KCNJ6: variants seen among roughly 807,000 people sequenced by gnomAD.
KCNJ6 encodes G protein-activated inward rectifier potassium channel 2.
In KCNJ6, 9 loss-of-function variants were observed where a neutral mutation model predicts 34.2. The observed-to-expected ratio is 0.26, with a 90% CI of 0.16 to 0.46. The LOEUF (loss-of-function observed/expected upper bound fraction) is 0.46. Ranked by LOEUF, KCNJ6 falls within the 20% of genes least tolerant of loss-of-function variation. KCNJ6 has a pLI of 1.00. For synonymous variants in KCNJ6, 196 were observed against 207.1 expected, an observed-to-expected ratio of 0.95 and a Z score of 0.46; for missense variants, 236 against 531.3, an observed-to-expected ratio of 0.44 and a Z score of 5.46.
At chr21:37,704,410 G>T (rs2054708147) in intron 3 of KCNJ6, among the ~76,000 whole-genome samples, 1 of 151,970 alleles carries the variant, frequency 6.6e-6, no homozygotes, top group Admixed American at 6.6e-5. Flanking sequence ...CTTAATTTTG[G>T]GCCAATGCGA....
intron 2 of KCNJ6, among the ~76,000 whole-genome samples, chr21:37,823,045 G>A (rs1203111956): frequency 6.6e-6 from 1 of 152,158 alleles, no homozygotes. Context: ...AGGACATGTT[G>A]AAGAGGGAGG....
intron 3 of KCNJ6, among the ~76,000 whole-genome samples, chr21:37,687,227 C>T (rs764178068): frequency 4.6e-5 from 7 of 152,012 alleles, no homozygotes; most frequent in Non-Finnish European, 7.4e-5. Flanking sequence ...CTAAGGGTAG[C>T]GTCCCAGCCG....
chr21:37,752,283 C>T (rs1374965704), intron 2 of KCNJ6, among the ~76,000 whole-genome samples: 1 of 152,172 alleles, frequency 6.6e-6, no homozygotes, highest in Non-Finnish European at 1.5e-5. Flanking sequence ...CTACACTGAT[C>T]ACAGCTGGTT....
intron 1 of KCNJ6, among the ~76,000 whole-genome samples, chr21:37,868,230 A>G (rs1038939915): frequency 6.6e-6 from 1 of 152,214 alleles, no homozygotes; most frequent in African/African-American, 2.4e-5. Context: ...TCTCCTATTA[A>G]TATACATGAC....
chr21:37,703,245 G>A (rs1452254853), intron 3 of KCNJ6, among the ~76,000 whole-genome samples: 1 of 152,190 alleles, frequency 6.6e-6, no homozygotes, highest in African/African-American at 2.4e-5. Context: ...AAGTCTTTGA[G>A]TAGGCTGAGG....
intron 2 of KCNJ6, among the ~76,000 whole-genome samples, chr21:37,794,902 A>C (rs141293292): frequency 6.6e-6 from 1 of 151,848 alleles, no homozygotes; most frequent in Non-Finnish European, 1.5e-5. Flanking sequence ...AAAAGAAAAA[A>C]AATAGAAAAA....
rs140558857 is a variant in KCNJ6, at chr21:37,745,866, C to T, written c.26-30735G>A. Among the ~76,000 whole-genome samples, 19 of 152,286 alleles carry T rather than the reference C, an allele frequency of 1.2e-4. No homozygotes were observed. The East Asian group carries it at 2.3e-3, about 19-fold the overall frequency. On this transcript the variant is annotated intron_variant, in intron 2 of 3. Transcript: ENST00000609713. ...GGCAGCGGAGGCAATTCCAGGATCA[C>T]GGTGTGTTCGCTGGGGCAGCCGTGA...
chr21:37,631,193 T>C (rs2054332091), intron 3 of KCNJ6, among the ~76,000 whole-genome samples: 1 of 152,160 alleles, frequency 6.6e-6, no homozygotes, highest in Admixed American at 6.5e-5. Context: ...GTACTTATGG[T>C]TAAGTGAAAA....
intron 2 of KCNJ6, among the ~76,000 whole-genome samples, chr21:37,739,762 G>A (rs914003130): frequency 6.6e-6 from 1 of 152,120 alleles, no homozygotes; most frequent in African/African-American, 2.4e-5. Context: ...GATGGGGTGA[G>A]GAGGGAGAGA....
chr21:37,870,367 T>A (rs1226797867), intron 1 of KCNJ6, among the ~76,000 whole-genome samples: 3 of 152,120 alleles, frequency 2.0e-5, no homozygotes, highest in Non-Finnish European at 4.4e-5. Flanking sequence ...GAACAGACCT[T>A]TTAAGCATCT....
At chr21:37,824,746 G>T (rs1289800484) in intron 2 of KCNJ6, among the ~76,000 whole-genome samples, 1 of 152,116 alleles carries the variant, frequency 6.6e-6, no homozygotes, top group African/African-American at 2.4e-5. Context: ...TGCCATAATT[G>T]TAAGTTTCCT....
intron 1 of KCNJ6, among the ~76,000 whole-genome samples, chr21:37,899,410 G>A (rs541439752): frequency 1.1e-4 from 17 of 152,206 alleles, no homozygotes; most frequent in Admixed American, 3.9e-4. Flanking sequence ...TCCTCTTCTC[G>A]TTCTCTCTCA....
intron 2 of KCNJ6, among the ~76,000 whole-genome samples, chr21:37,824,550 G>A (rs1297584592): frequency 2.0e-5 from 3 of 152,108 alleles, no homozygotes; most frequent in Non-Finnish European, 2.9e-5. Context: ...ATCTGGAATT[G>A]TAATCCCCAC....
At chr21:37,652,057 A>C (rs1165887085) in intron 3 of KCNJ6, among the ~76,000 whole-genome samples, 1 of 152,148 alleles carries the variant, frequency 6.6e-6, no homozygotes, top group Non-Finnish European at 1.5e-5. Flanking sequence ...GAATAGAGTG[A>C]GGGGGGAAAA....
At chr21:37,820,272 G>A (rs1030645056) in intron 2 of KCNJ6, among the ~76,000 whole-genome samples, 1 of 152,050 alleles carries the variant, frequency 6.6e-6, no homozygotes, top group Non-Finnish European at 1.5e-5. Context: ...TCTCTTTTCC[G>A]GATGGCTACT....
At chr21:37,762,517 G>A (rs901550399) in intron 2 of KCNJ6, among the ~76,000 whole-genome samples, 6 of 152,224 alleles carry the variant, frequency 3.9e-5, no homozygotes, top group African/African-American at 1.4e-4. Context: ...GGAACTGCCT[G>A]CCAAGTTTGC....
intron 3 of KCNJ6, among the ~76,000 whole-genome samples, chr21:37,660,876 G>T (rs1269013047): frequency 1.3e-5 from 2 of 152,210 alleles, no homozygotes; most frequent in Non-Finnish European, 2.9e-5. Context: ...TGGATCATTT[G>T]CATGATTTTA....
intron 2 of KCNJ6, among the ~76,000 whole-genome samples, chr21:37,729,603 C>T (rs1212096871): frequency 6.6e-6 from 1 of 152,212 alleles, no homozygotes; most frequent in African/African-American, 2.4e-5. Context: ...GCATTATAGG[C>T]GTGAGCCACC....
At chr21:37,672,453 C>T (rs534365529) in intron 3 of KCNJ6, among the ~76,000 whole-genome samples, 17 of 152,044 alleles carry the variant, frequency 1.1e-4, no homozygotes, top group Non-Finnish European at 2.1e-4. Context: ...GTCATCTCAG[C>T]GCCTAGGAAC....
Sources: allele counts gnomAD v4.1 joint callset (sites outside exome capture counted in the v4.1 genomes callset), GRCh38; gene constraint gnomAD v4.1.1; transcripts MANE v1.5; gene names NCBI Gene and HGNC (gene_info 2026-07-23, HGNC 2026-07-21).